Variants in PRKCE observed in about 807,000 individuals in gnomAD.
PRKCE encodes the protein protein kinase C epsilon type.
A neutral mutation model predicts 85.4 loss-of-function variants in PRKCE; 16 were observed. The ratio of observed to expected loss-of-function variants is 0.19; its 90% CI spans 0.13 to 0.28. The LOEUF (loss-of-function observed/expected upper bound fraction) is 0.28, where lower values mean the gene tolerates loss of function less well. Among genes scored for constraint, PRKCE ranks in the 10% least tolerant of loss-of-function variants. The pLI is 1.00. For synonymous variants in PRKCE, 388 were observed against 371.5 expected (o/e 1.04, Z -0.51); for missense variants, 573 against 975.2 (o/e 0.59, Z 5.49).
At chr2:45,748,914 G>A (rs1382838231) in intron 1 of PRKCE, among the ~76,000 whole-genome samples, 1 of 144,020 alleles carries the variant, frequency 6.9e-6, no homozygotes, top group Non-Finnish European at 1.5e-5. Flanking sequence ...TTCTCAGACT[G>A]AGTCTTGCTG....
intron 1 of PRKCE, among the ~76,000 whole-genome samples, chr2:45,780,920 A>C (rs1311282976): frequency 1.3e-5 from 2 of 152,230 alleles, no homozygotes; most frequent in Admixed American, 1.3e-4. Context: ...AGGACAGCTT[A>C]ACTGTCTCAG....
intron 10 of PRKCE, among the ~76,000 whole-genome samples, chr2:46,023,588 G>C (rs1344042956): frequency 6.6e-6 from 1 of 152,162 alleles, no homozygotes; most frequent in Non-Finnish European, 1.5e-5. Context: ...CCTTCTTACT[G>C]CTTGACCCAT....
At chr2:45,850,711 C>A (rs1048549203) in intron 2 of PRKCE, among the ~76,000 whole-genome samples, 2 of 152,176 alleles carry the variant, frequency 1.3e-5, no homozygotes, top group African/African-American at 2.4e-5. Flanking sequence ...GCTGTTGACA[C>A]TGGGGCTTTT....
At chr2:45,739,477 C>T (rs895391624) in intron 1 of PRKCE, among the ~76,000 whole-genome samples, 10 of 152,158 alleles carry the variant, frequency 6.6e-5, no homozygotes, top group African/African-American at 2.4e-4. Context: ...CTGCAGAGGA[C>T]TCAGCTAATT....
At chr2:45,850,467 G>T (rs1366135059) in intron 2 of PRKCE, among the ~76,000 whole-genome samples, 2 of 152,136 alleles carry the variant, frequency 1.3e-5, no homozygotes, top group East Asian at 3.8e-4. Flanking sequence ...CCCAAAATGG[G>T]TTCTAATTTA....
At chr2:45,799,574 G>T (rs1457669012) in intron 1 of PRKCE, among the ~76,000 whole-genome samples, 1 of 152,018 alleles carries the variant, frequency 6.6e-6, no homozygotes, top group African/African-American at 2.4e-5. Flanking sequence ...TAAAAGAAAA[G>T]AATATTTTTT....
At chr2:46,095,667 T>G (rs900416702) in intron 11 of PRKCE, among the ~76,000 whole-genome samples, 14 of 152,232 alleles carry the variant, frequency 9.2e-5, no homozygotes, top group African/African-American at 3.4e-4. Context: ...CAGGATTCAG[T>G]TTTCTTGGAT....
chr2:46,029,155 CT>C (rs751277435), intron 10 of PRKCE, among the ~76,000 whole-genome samples: 1 of 152,084 alleles, frequency 6.6e-6, no homozygotes, highest in South Asian at 2.1e-4. Flanking sequence ...TTTTAAAGCT[CT>C]TTACGTATGT....
intron 1 of PRKCE, among the ~76,000 whole-genome samples, chr2:45,692,487 A>T (rs544255416): frequency 6.6e-6 from 1 of 152,180 alleles, no homozygotes; most frequent in African/African-American, 2.4e-5. Context: ...TAATGACCTC[A>T]TCTGAACTTG....
chr2:45,867,090 G>T (rs1693675462), intron 2 of PRKCE, among the ~76,000 whole-genome samples: 1 of 152,212 alleles, frequency 6.6e-6, no homozygotes. Flanking sequence ...CTAACATGTA[G>T]TCAGAGTTGA....
At chr2:45,992,509 A>G (rs2104658894) in intron 6 of PRKCE, among the ~76,000 whole-genome samples, 1 of 152,306 alleles carries the variant, frequency 6.6e-6, no homozygotes, top group Admixed American at 6.5e-5. Flanking sequence ...GCCAACTTCC[A>G]TTGCACAAGC....
chr2:45,860,709 T>C (rs762983603), intron 2 of PRKCE, among the ~76,000 whole-genome samples: 2 of 152,168 alleles, frequency 1.3e-5, no homozygotes, highest in Non-Finnish European at 2.9e-5. Flanking sequence ...GAAGTCTCTC[T>C]GGGGGCCCTG....
intron 11 of PRKCE, among the ~76,000 whole-genome samples, chr2:46,097,868 T>C (rs1362371443): frequency 6.6e-6 from 1 of 152,228 alleles, no homozygotes; most frequent in South Asian, 2.1e-4. Context: ...CAATGACAGT[T>C]GGGGGGTGAA....
At chr2:45,933,464 CTTTTTTTTTTTTTTT>C (rs59991455) in intron 2 of PRKCE, among the ~76,000 whole-genome samples, 15 of 65,364 alleles carry the variant, frequency 2.3e-4, no homozygotes, top group Admixed American at 1.9e-3. Flanking sequence ...CATATGCCTG[CTTTTTTTTTTTTTTT>C]TTTTTTTTTT....
chr2:45,973,384 C>G (rs1306930369), intron 2 of PRKCE, among the ~76,000 whole-genome samples: 2 of 152,228 alleles, frequency 1.3e-5, no homozygotes, highest in Non-Finnish European at 1.5e-5. Flanking sequence ...CTGTCACCTG[C>G]TTTGTAGCTT....
chr2:46,110,625 T>C (rs539749725), intron 11 of PRKCE, among the ~76,000 whole-genome samples: 53 of 144,850 alleles, frequency 3.7e-4, no homozygotes, highest in African/African-American at 1.3e-3. Context: ...ATTCTTAGTC[T>C]TTTTTTTTTT....
At chr2:45,906,153 G>A (rs146317308) in intron 2 of PRKCE, among the ~76,000 whole-genome samples, 1 of 152,334 alleles carries the variant, frequency 6.6e-6, no homozygotes, top group East Asian at 1.9e-4. Flanking sequence ...AGGGAAAGCC[G>A]CTAGCTGATT....
intron 14 of PRKCE, among the ~76,000 whole-genome samples, chr2:46,161,670 AG>A (rs1381150657): frequency 3.3e-5 from 5 of 152,154 alleles, no homozygotes; most frequent in African/African-American, 1.2e-4. Context: ...AGAGGAAGCC[AG>A]GGGGTTTTTA....
At chr2:45,930,077 T>G (rs2104031366) in intron 2 of PRKCE, among the ~76,000 whole-genome samples, 1 of 152,382 alleles carries the variant, frequency 6.6e-6, no homozygotes, top group East Asian at 1.9e-4. Context: ...ACCCTGCTCT[T>G]ATTATTCAAG....
Sources: allele counts gnomAD v4.1 joint callset (sites outside exome capture counted in the v4.1 genomes callset), GRCh38; gene constraint gnomAD v4.1.1; transcripts MANE v1.5; gene names NCBI Gene and HGNC (gene_info 2026-07-23, HGNC 2026-07-21).